The following CASTOR2 variants were observed in gnomAD, a reference collection of about 807,000 sequenced individuals.
The protein encoded by CASTOR2 is GATS protein like 2.
In CASTOR2, 8 loss-of-function variants were observed where a neutral mutation model predicts 31.2. That is an observed-to-expected ratio of 0.26 (90% CI 0.15 to 0.46). The LOEUF (loss-of-function observed/expected upper bound fraction) is 0.46, where lower values mean the gene tolerates loss of function less well. CASTOR2 is among the 20% of genes least tolerant of loss of function. The pLI is 0.99. For synonymous variants in CASTOR2, 162 were observed against 158.7 expected (o/e 1.02, Z -0.16); for missense variants, 216 against 382.1 (o/e 0.57, Z 3.62).
rs1056179188 is a variant in CASTOR2, at chr7:75,025,112, G to T, written c.*413G>T. ...ACCTTGCAGGGCTGGGGCTGGCGGG[G>T]TGGGGCCGAGTTTGGGGTGCCCTGG... On this transcript the variant is annotated 3_prime_UTR_variant, in exon 9 of 9. Transcript: ENST00000616305. Among the ~76,000 whole-genome samples the T allele has an allele frequency of 1.4e-4, 21 of 152,332 alleles. No individual in the cohort carries two copies. The highest frequency in any genetic ancestry group is 2.5e-4 in the Non-Finnish European group (17 of 68,026).
At chr7:75,023,239 C>T (rs1318628008) in intron 7 of CASTOR2, among the ~76,000 whole-genome samples, 3 of 151,846 alleles carry the variant, frequency 2.0e-5, no homozygotes, top group Non-Finnish European at 4.4e-5. Flanking sequence ...ACCTGGGAGG[C>T]GGAGCTTGCA....
At chr7:74,988,781 A>G (rs1243144694) in intron 1 of CASTOR2, among the ~76,000 whole-genome samples, 1 of 150,728 alleles carries the variant, frequency 6.6e-6, no homozygotes, top group East Asian at 1.9e-4. Flanking sequence ...CTTTCCCTTG[A>G]TTTTTGCAAA....
rs933178930 is a variant in CASTOR2, at chr7:75,031,177, G to C, written c.*6478G>C. ...TCATTTCCGTTATCCTGAGATGGGGGTGAGTGGATGGATGGTGTACTGAGG... is the reference window on the plus strand; with the variant it reads ...TCATTTCCGTTATCCTGAGATGGGGCTGAGTGGATGGATGGTGTACTGAGG... On this transcript the variant is annotated 3_prime_UTR_variant, in exon 9 of 9. Coordinates refer to ENST00000616305, the MANE Select transcript of CASTOR2 (RefSeq NM_001145064.3). Among the ~76,000 whole-genome samples, 2 of 152,114 alleles carry C rather than the reference G, an allele frequency of 1.3e-5. No homozygotes were observed. The highest frequency in any genetic ancestry group is 4.8e-5 in the African/African-American group (2 of 41,424).
intron 1 of CASTOR2, among the ~76,000 whole-genome samples, chr7:75,005,172 T>G (rs1804579979): frequency 6.6e-6 from 1 of 151,950 alleles, no homozygotes; most frequent in Non-Finnish European, 1.5e-5. Context: ...CGGCCTAAAT[T>G]TATGTGAATT....
intron 6 of CASTOR2, among the ~76,000 whole-genome samples, chr7:75,020,450 C>T (rs1466370148): frequency 1.3e-5 from 2 of 149,066 alleles, no homozygotes; most frequent in Non-Finnish European, 3.0e-5. Flanking sequence ...AGGCTGGTCT[C>T]AAGCTCCTGA....
At chr7:75,019,709 G>A (rs1804948722) in intron 5 of CASTOR2, among the ~76,000 whole-genome samples, 1 of 152,192 alleles carries the variant, frequency 6.6e-6, no homozygotes, top group Non-Finnish European at 1.5e-5. Context: ...TTCCTCAGCA[G>A]ATTTTGTAAA....
At chr7:75,005,974 AC>A (rs1274681885) in intron 1 of CASTOR2, among the ~76,000 whole-genome samples, 2 of 152,210 alleles carry the variant, frequency 1.3e-5, no homozygotes, top group Non-Finnish European at 2.9e-5. Context: ...CACTAAAAAT[AC>A]AAAAATTAGC....
At chr7:75,007,021 G>T (rs1804621999) in intron 1 of CASTOR2, among the ~76,000 whole-genome samples, 2 of 152,166 alleles carry the variant, frequency 1.3e-5, no homozygotes, top group South Asian at 4.1e-4. Flanking sequence ...CAATGGGTGG[G>T]GGTGCAGAGC....
At chr7:75,020,710 G>C (rs899080620) in intron 6 of CASTOR2, among the ~76,000 whole-genome samples, 30 of 152,058 alleles carry the variant, frequency 2.0e-4, no homozygotes, top group Admixed American at 3.9e-4. Context: ...AAGATGGTCT[G>C]GATCTCCTGA....
chr7:74,979,672 C>T lies in CASTOR2; in HGVS notation c.113+14574C>T, dbSNP rs1483869171. Among the ~76,000 whole-genome samples the T allele has an allele frequency of 1.6e-4, 4 of 24,246 alleles. No homozygotes were observed. In the South Asian group the frequency reaches 4.2e-3, roughly 26 times the overall value. 15.9% of individuals were successfully genotyped at this position (24,246 alleles called of 152,430 possible). ...CCTCCCAAAGGGCTGAGATCATACG[C>T]GTGAGCCGCTGCTCCCGGCCATGGC... On this transcript the variant is annotated intron_variant, in intron 1 of 8. Transcript: ENST00000616305.
At chr7:75,009,574 A>G (rs1249215225) in intron 2 of CASTOR2, among the ~76,000 whole-genome samples, 2 of 151,824 alleles carry the variant, frequency 1.3e-5, no homozygotes. Flanking sequence ...GGCCCTGAGA[A>G]CCTATTTCTG....
At chr7:75,018,572 G>A (rs1206509536) in intron 4 of CASTOR2, among the ~76,000 whole-genome samples, 4 of 152,206 alleles carry the variant, frequency 2.6e-5, no homozygotes, top group Non-Finnish European at 5.9e-5. Context: ...AAGGTCCTAG[G>A]CAGGCCTTGC....
chr7:75,029,950 GATAGCAAGACCAACCTGGTCAAC>G lies in CASTOR2; in HGVS notation c.*5263_*5285del, dbSNP rs1805254132. Among the ~76,000 whole-genome samples the G allele has an allele frequency of 6.6e-6, 1 of 152,192 alleles. No individual in the cohort carries two copies. Among genetic ancestry groups the G allele is most frequent in the African/African-American group, 2.4e-5 (1 of 41,452 alleles). On this transcript the variant is annotated 3_prime_UTR_variant, in exon 9 of 9. Transcript: ENST00000616305. ...AGGTGGGAGGATAGCTTGAGGCCAA[GATAGCAAGACCAACCTGGTCAAC>G]ATAGCAAGACCCTGCCTCTACAAGA...
In CASTOR2 at chr7:75,026,304, C is replaced by G. The variant is rs1044426700; in HGVS notation, c.*1605C>G. Among the ~76,000 whole-genome samples, 12 of 151,846 alleles carry G rather than the reference C, an allele frequency of 7.9e-5. No homozygotes were observed. The South Asian group carries it at 1.7e-3, about 21-fold the overall frequency. ...TCCCAGGTTCAAGTGATTCTCCTGC[C>G]TCGGCCTCCCAAGTAGCTGGGATTA... On this transcript the variant is annotated 3_prime_UTR_variant, in exon 9 of 9. Coordinates refer to ENST00000616305, the MANE Select transcript of CASTOR2 (RefSeq NM_001145064.3).
chr7:75,020,184 G>C (rs1804959737), intron 6 of CASTOR2, 35 bp downstream of exon 6: 7 of 1,544,270 alleles, frequency 4.5e-6, no homozygotes, highest in African/African-American at 1.4e-5. Context: ...TTCAACCCAG[G>C]GTGGGCCCCA....
chr7:74,989,578 A>ATTT (rs34719360), intron 1 of CASTOR2, among the ~76,000 whole-genome samples: 22 of 131,192 alleles, frequency 1.7e-4, no homozygotes, highest in Non-Finnish European at 1.7e-4. Context: ...GTGTCCGCCT[A>ATTT]TTTTTTTTTT....
rs1351982379 is a variant in CASTOR2 at position 74,990,211 on chromosome 7, AC to A, written c.114-17779del. ...AGACCATCCTGGCTAACACAGTGAA[AC>A]CCCGTCTCTACTAAAAATACAAAAA... is the stretch of plus-strand genomic sequence containing the variant. On this transcript the variant is annotated intron_variant, in intron 1 of 8. Transcript: ENST00000616305. Among the ~76,000 whole-genome samples the A allele has an allele frequency of 4.5e-4, 68 of 151,600 alleles. 1 individual carries two copies. Among genetic ancestry groups the A allele is most frequent in the Non-Finnish European group, 9.0e-4 (61 of 67,870 alleles).
At chr7:75,023,730 A>C (rs1805062037) in intron 7 of CASTOR2, among the ~76,000 whole-genome samples, 1 of 151,100 alleles carries the variant, frequency 6.6e-6, no homozygotes, top group East Asian at 2.0e-4. Context: ...GTGAGCCACC[A>C]CTCCCAGCCA....
At chr7:74,987,597 G>T (rs1228412358) in intron 1 of CASTOR2, among the ~76,000 whole-genome samples, 1 of 152,238 alleles carries the variant, frequency 6.6e-6, no homozygotes, top group African/African-American at 2.4e-5. Flanking sequence ...GGAAGGCCAT[G>T]CCTCTGGTCT....
Sources: gnomAD v4.1 joint callset for allele counts (sites outside exome capture counted in the v4.1 genomes callset) on GRCh38, gnomAD v4.1.1 for gene constraint, MANE v1.5 for transcripts, NCBI Gene and HGNC (gene_info 2026-07-23, HGNC 2026-07-21) for gene names.